The following SH3GL2 variants were observed in gnomAD, a reference collection of about 807,000 sequenced individuals.
SH3GL2 encodes endophilin-A1.
In SH3GL2, 24 loss-of-function variants were observed where a neutral mutation model predicts 46.0. That is an observed-to-expected ratio of 0.52 (90% CI 0.38 to 0.73). The LOEUF (loss-of-function observed/expected upper bound fraction) is 0.73. Among genes scored for constraint, SH3GL2 ranks in the 30% least tolerant of loss-of-function variants. The probability of loss-of-function intolerance (pLI) is 0.00; values close to 1 mark genes in which losing one functional copy is unlikely to be tolerated. For missense variants in SH3GL2, 413 were observed against 424.2 expected (o/e 0.97, Z 0.23); for synonymous variants, 196 against 147.1 (o/e 1.33, Z -2.40).
intron 4 of SH3GL2, among the ~76,000 whole-genome samples, 167 bp from the exon 5 acceptor site, chr9:17,787,213 G>A (rs76848751): frequency 0.037 from 5,657 of 152,226 alleles, 204 homozygotes; most frequent in African/African-American, 0.095. Context: ...CTCTTAGGGG[G>A]CATTGAGTCT....
At chr9:17,691,089 C>T (rs1026928365) in intron 1 of SH3GL2, among the ~76,000 whole-genome samples, 6 of 152,086 alleles carry the variant, frequency 3.9e-5, no homozygotes, top group African/African-American at 1.4e-4. Flanking sequence ...CCTTAGCATG[C>T]TAGGGTAAAG....
chr9:17,630,202 G>T (rs1819387815), intron 1 of SH3GL2, among the ~76,000 whole-genome samples: 1 of 152,152 alleles, frequency 6.6e-6, no homozygotes, highest in East Asian at 1.9e-4. Context: ...TGGGTTTGTG[G>T]TAGTTAGAAA....
Position 17,747,929 on chromosome 9 carries a change from C to T in SH3GL2, c.114+795C>T, listed in dbSNP as rs1391127383. On this transcript the variant is annotated intron_variant, in intron 2 of 8. Coordinates refer to ENST00000380607, the MANE Select transcript of SH3GL2 (RefSeq NM_003026.5). ...CCTCAGGTGGTCCGCCTGCCTCAGC[C>T]TCCCAAAGTGCTGAGGTTCCAGGCA... Among the ~76,000 whole-genome samples the T allele has an allele frequency of 6.6e-5, 10 of 152,268 alleles. No homozygotes were observed. In the East Asian group the frequency reaches 1.7e-3, roughly 27 times the overall value.
intron 1 of SH3GL2, among the ~76,000 whole-genome samples, chr9:17,697,816 C>G (rs1279730180): frequency 6.6e-6 from 1 of 152,170 alleles, no homozygotes; most frequent in Non-Finnish European, 1.5e-5. Flanking sequence ...GATCAGTTCT[C>G]CCTGATGACT....
intron 5 of SH3GL2, among the ~76,000 whole-genome samples, chr9:17,787,728 G>T (rs1316116189): frequency 6.6e-6 from 1 of 152,030 alleles, no homozygotes; most frequent in Non-Finnish European, 1.5e-5. Context: ...GCTGTCTCTG[G>T]CTTCTCTATG....
chr9:17,636,603 G>A (rs1819550033), intron 1 of SH3GL2, among the ~76,000 whole-genome samples: 1 of 152,060 alleles, frequency 6.6e-6, no homozygotes, highest in Non-Finnish European at 1.5e-5. Context: ...ATTTTCTTTT[G>A]ACTCAGGAAG....
At chr9:17,702,646 C>T (rs533143885) in intron 1 of SH3GL2, among the ~76,000 whole-genome samples, 1 of 151,942 alleles carries the variant, frequency 6.6e-6, no homozygotes, top group Non-Finnish European at 1.5e-5. Flanking sequence ...TAAAAGAGTC[C>T]TTTTTTCCCT....
chr9:17,608,165 T>TTTTTTG (rs1818793689), intron 1 of SH3GL2, among the ~76,000 whole-genome samples: 1 of 149,528 alleles, frequency 6.7e-6, no homozygotes. Flanking sequence ...TTTTTTTTTT[T>TTTTTTG]GAGATGGAGT....
In SH3GL2 at chr9:17,672,271, G is replaced by T. The variant is rs1462862677; in HGVS notation, c.46-74795G>T. ...AGGAAAGGAAAATTTTAGAAATCTT[G>T]GTTTCCAGGCAACCAAACACACAAT... On this transcript the variant is annotated intron_variant, in intron 1 of 8. Coordinates refer to ENST00000380607, the MANE Select transcript of SH3GL2 (RefSeq NM_003026.5). Among the ~76,000 whole-genome samples, 7 of 152,204 alleles carry T rather than the reference G, an allele frequency of 4.6e-5. 1 individual carries two copies. The Middle Eastern group carries it at 0.02, about 444-fold the overall frequency.
At chr9:17,663,781 G>GTATTTTCCAAGTTT (rs1820279160) in intron 1 of SH3GL2, among the ~76,000 whole-genome samples, 1 of 152,174 alleles carries the variant, frequency 6.6e-6, no homozygotes, top group African/African-American at 2.4e-5. Flanking sequence ...TTGAACTTGA[G>GTATTTTCCAAGTTT]TTAGAAACTG....
chr9:17,718,526 C>T (rs949022578), intron 1 of SH3GL2, among the ~76,000 whole-genome samples: 1 of 152,104 alleles, frequency 6.6e-6, no homozygotes, highest in African/African-American at 2.4e-5. Flanking sequence ...AGTTTGAGAT[C>T]AGCCTGGGCA....
chr9:17,723,910 C>A (rs567979786), intron 1 of SH3GL2, among the ~76,000 whole-genome samples: 2 of 152,072 alleles, frequency 1.3e-5, no homozygotes, highest in South Asian at 2.1e-4. Context: ...CATAATTTTT[C>A]TCTTATTGAT....
At chr9:17,764,640 T>C (rs113459769) in intron 3 of SH3GL2, among the ~76,000 whole-genome samples, 46 of 141,338 alleles carry the variant, frequency 3.3e-4, no homozygotes, top group East Asian at 1.9e-3. Context: ...CGAGGGTACT[T>C]TGGGAGTACA....
At chr9:17,596,772 T>G (rs1450402728) in intron 1 of SH3GL2, among the ~76,000 whole-genome samples, 1 of 152,112 alleles carries the variant, frequency 6.6e-6, no homozygotes, top group Admixed American at 6.5e-5. Context: ...CCAAACAAAA[T>G]ACATAAAAAT....
intron 1 of SH3GL2, chr9:17,589,049 CTATT>C (rs1486875252): frequency 1.3e-5 from 2 of 152,126 alleles, no homozygotes; most frequent in Non-Finnish European, 2.9e-5. Flanking sequence ...GTATATTAAT[CTATT>C]TGTGAGCTTG....
In SH3GL2 at chr9:17,703,225, T is replaced by C. The variant is rs138417183; in HGVS notation, c.46-43841T>C. Reference sequence around the variant, plus strand: ...GGGTAGGGAATGATTTTAAGGATTGTATGGCTCGGGGAAAAAAAACAATAA... The same window carrying C: ...GGGTAGGGAATGATTTTAAGGATTGCATGGCTCGGGGAAAAAAAACAATAA... On this transcript the variant is annotated intron_variant, in intron 1 of 8. Transcript: ENST00000380607. Among the ~76,000 whole-genome samples the C allele has an allele frequency of 9.4e-4, 143 of 152,104 alleles. No homozygotes were observed. The East Asian group carries it at 0.02, about 21-fold the overall frequency.
chr9:17,583,539 C>A (rs1818316690), intron 1 of SH3GL2, among the ~76,000 whole-genome samples: 1 of 152,200 alleles, frequency 6.6e-6, no homozygotes, highest in Non-Finnish European at 1.5e-5. Flanking sequence ...GCTAGCCTCC[C>A]AAACTGTGAG....
chr9:17,730,377 C>G (rs967768244), intron 1 of SH3GL2, among the ~76,000 whole-genome samples: 1 of 152,100 alleles, frequency 6.6e-6, no homozygotes, highest in Non-Finnish European at 1.5e-5. Context: ...ATGGGATTTT[C>G]TAAATATCCA....
chr9:17,644,070 A>T (rs138103783), intron 1 of SH3GL2, among the ~76,000 whole-genome samples: 1,921 of 152,214 alleles, frequency 0.013, 60 homozygotes, highest in African/African-American at 0.043. Context: ...GGGAGGGTGT[A>T]TGTGTCCAGG....
Sources: gnomAD v4.1 joint callset for allele counts (sites outside exome capture counted in the v4.1 genomes callset) on GRCh38, gnomAD v4.1.1 for gene constraint, MANE v1.5 for transcripts, NCBI Gene and HGNC (gene_info 2026-07-23, HGNC 2026-07-21) for gene names.